The following COL23A1 variants were observed in gnomAD, a reference collection of about 807,000 sequenced individuals.
The protein encoded by COL23A1 is collagen type XXIII alpha 1 chain.
A neutral mutation model predicts 99.3 loss-of-function variants in COL23A1; 97 were observed. That is an observed-to-expected ratio of 0.98 (90% confidence interval 0.83 to 1.16). COL23A1 has a LOEUF of 1.16. Ranked by LOEUF, COL23A1 falls within the 50% of genes most tolerant of loss-of-function variation. COL23A1 has a pLI of 0.00. For missense variants in COL23A1, 762 were observed against 757.4 expected (o/e 1.01, Z -0.07); for synonymous variants, 320 against 308.2 (o/e 1.04, Z -0.40).
intron 11 of COL23A1, among the ~76,000 whole-genome samples, chr5:178,260,959 G>A (rs948307963): frequency 6.6e-6 from 1 of 152,024 alleles, no homozygotes; most frequent in Non-Finnish European, 1.5e-5. Flanking sequence ...CACAGCAAGA[G>A]TGAACCCTAA....
In COL23A1 at chr5:178,560,756, G is replaced by A. The variant is rs780371116; in HGVS notation, c.295-8C>T. 19 of 1,593,538 alleles carry A rather than the reference G, an allele frequency of 1.2e-5. No individual in the cohort carries two copies. The highest frequency in any genetic ancestry group is 2.3e-5 in the South Asian group (2 of 87,898). On this transcript the variant is annotated splice_region_variant and splice_polypyrimidine_tract_variant and intron_variant, in intron 1 of 28. Coordinates refer to ENST00000390654, the MANE Select transcript of COL23A1 (RefSeq NM_173465.4). ...CGCTAGTCCGTCCAACTTCTGAGCC[G>A]GAAAAAAAAAAAGAAAAAAAACGAG...
chr5:178,573,397 G>T (rs1005528092), intron 1 of COL23A1, among the ~76,000 whole-genome samples: 1 of 152,202 alleles, frequency 6.6e-6, no homozygotes, highest in Non-Finnish European at 1.5e-5. Flanking sequence ...GTCTGGCCCG[G>T]CCACCGCACT....
intron 26 of COL23A1, 26 bp from the exon 27 acceptor site, chr5:178,242,154 T>C (rs1764437775): frequency 2.6e-6 from 4 of 1,541,434 alleles, no homozygotes; most frequent in East Asian, 4.9e-5. Context: ...GATGGTGGTA[T>C]TGGTCATGGC....
chr5:178,425,069 A>T (rs1220474787), intron 2 of COL23A1, among the ~76,000 whole-genome samples: 1 of 152,218 alleles, frequency 6.6e-6, no homozygotes, highest in Non-Finnish European at 1.5e-5. Context: ...TAAGATGGAG[A>T]CAACGCATGC....
chr5:178,249,174 C>G lies in COL23A1; in HGVS notation c.1092G>C (p.Glu364Asp). The G allele has an allele frequency of 6.2e-7, 1 of 1,614,198 alleles. No individual in the cohort carries two copies. The highest frequency in any genetic ancestry group is 8.5e-7 in the Non-Finnish European group (1 of 1,179,980). The stretch of plus-strand genomic sequence containing the variant: ...CCCCTTTGAGTCCTGCTGGCCCAGG[C>G]TCTCCTGGGTCTCCTTTCTGTCCTT... Reference protein sequence around the residue: ...GPKGQKGDPGEPGPAGLKGEA... With the variant: ...GPKGQKGDPGDPGPAGLKGEA... Residue 364 changes from glutamate to aspartate, a missense_variant, in exon 19 of 29, where the codon GAG becomes GAC. By Grantham distance (45) the Glu-to-Asp change is conservative. Transcript: ENST00000390654.
chr5:178,384,980 C>G lies in COL23A1; in HGVS notation c.362-78061G>C, dbSNP rs1021149402. On this transcript the variant is annotated intron_variant, in intron 2 of 28. Transcript: ENST00000390654. The surrounding 1 kb of genome is among the most constrained non-coding windows in gnomAD (Gnocchi z 5.5). ...GCCCCATCCAAGCCACCACACTGGG[C>G]TGCCCAGCCCACTCCACGCCGGGGG... Among the ~76,000 whole-genome samples, 8 of 152,214 alleles carry G rather than the reference C, an allele frequency of 5.3e-5. No homozygotes were observed. Among genetic ancestry groups the G allele is most frequent in the African/African-American group, 1.9e-4 (8 of 41,450 alleles).
intron 1 of COL23A1, among the ~76,000 whole-genome samples, chr5:178,578,994 A>G (rs1456584787): frequency 1.3e-5 from 2 of 152,122 alleles, no homozygotes; most frequent in African/African-American, 2.4e-5. Context: ...CAAATGATAA[A>G]CCAAAAAATG....
chr5:178,340,192 T>C lies in COL23A1; in HGVS notation c.362-33273A>G, dbSNP rs909440830. On this transcript the variant is annotated intron_variant, in intron 2 of 28. Transcript: ENST00000390654. The surrounding 1 kb of genome is among the most constrained non-coding windows in gnomAD (Gnocchi z 4.7). Reference sequence around the variant, plus strand: ...AGCGTTCTCATGAGGAATGCACCTATGAAAGTTCCTAGGCAGGGAGCCTGC... The same window carrying C: ...AGCGTTCTCATGAGGAATGCACCTACGAAAGTTCCTAGGCAGGGAGCCTGC... Among the ~76,000 whole-genome samples, 7 of 152,146 alleles carry C rather than the reference T, an allele frequency of 4.6e-5. No individual in the cohort carries two copies. Among genetic ancestry groups the C allele is most frequent in the Admixed American group, 3.3e-4 (5 of 15,280 alleles).
intron 2 of COL23A1, among the ~76,000 whole-genome samples, chr5:178,373,665 C>T (rs889901059): frequency 6.6e-6 from 1 of 152,212 alleles, no homozygotes; most frequent in Non-Finnish European, 1.5e-5. Flanking sequence ...ATCCGCCTGC[C>T]TCAGCCTCCC....
At chr5:178,551,412 C>A (rs948402832) in intron 2 of COL23A1, among the ~76,000 whole-genome samples, 5 of 151,846 alleles carry the variant, frequency 3.3e-5, no homozygotes, top group Non-Finnish European at 7.4e-5. Flanking sequence ...TATTTTTTTC[C>A]TTTCATCAGT....
chr5:178,386,282 A>C (rs549615425), intron 2 of COL23A1, among the ~76,000 whole-genome samples: 2 of 152,124 alleles, frequency 1.3e-5, no homozygotes, highest in Non-Finnish European at 2.9e-5. Flanking sequence ...CTACTAAAAT[A>C]CAAAAAATTA....
chr5:178,378,611 C>T (rs931339385), intron 2 of COL23A1, among the ~76,000 whole-genome samples: 1 of 152,212 alleles, frequency 6.6e-6, no homozygotes, highest in Non-Finnish European at 1.5e-5. Context: ...AGTTCCCCCG[C>T]AGAGGCGACA....
intron 27 of COL23A1, among the ~76,000 whole-genome samples, chr5:178,240,678 T>C (rs971623878): frequency 2.0e-5 from 3 of 152,202 alleles, no homozygotes; most frequent in Non-Finnish European, 4.4e-5. Flanking sequence ...AGTCCTTTTC[T>C]CATTGACTTC....
Position 178,355,733 on chromosome 5 carries a change from G to A in COL23A1, c.362-48814C>T, listed in dbSNP as rs1036487896. The stretch of plus-strand genomic sequence containing the variant: ...TCTCCATCTCCTGACCTCATGATCC[G>A]CCCGCCTCGGCCTCCCAAAGTGCTG... On this transcript the variant is annotated intron_variant, in intron 2 of 28. Transcript: ENST00000390654. 7.9e-5 allele frequency among the ~76,000 whole-genome samples: 12 copies of A among 152,184 alleles called. No homozygotes were observed. In the East Asian group the frequency reaches 9.7e-4, roughly 12 times the overall value.
At chr5:178,583,205 A>C (rs766459175) in intron 1 of COL23A1, among the ~76,000 whole-genome samples, 7 of 152,246 alleles carry the variant, frequency 4.6e-5, no homozygotes, top group Non-Finnish European at 8.8e-5. Context: ...ACCCAAATTT[A>C]TCAATGTACA....
At chr5:178,294,019 G>A (rs1008489064) in intron 3 of COL23A1, among the ~76,000 whole-genome samples, 15 of 152,086 alleles carry the variant, frequency 9.9e-5, no homozygotes, top group African/African-American at 2.2e-4. Flanking sequence ...CCCAGGGGCT[G>A]GAACCGACTA....
At chr5:178,505,117 G>A (rs958720169) in intron 2 of COL23A1, among the ~76,000 whole-genome samples, 7 of 152,166 alleles carry the variant, frequency 4.6e-5, no homozygotes, top group Non-Finnish European at 8.8e-5. Flanking sequence ...GCTGAGGGAG[G>A]GGTCTGGTCC....
intron 2 of COL23A1, among the ~76,000 whole-genome samples, chr5:178,454,326 C>A (rs1767651579): frequency 6.6e-6 from 1 of 152,178 alleles, no homozygotes; most frequent in Non-Finnish European, 1.5e-5. Flanking sequence ...CAACTCAGAT[C>A]AAAAAGTGAA....
intron 1 of COL23A1, among the ~76,000 whole-genome samples, chr5:178,570,261 G>T (rs760466857): frequency 3.3e-5 from 5 of 151,686 alleles, no homozygotes; most frequent in Non-Finnish European, 7.4e-5. Flanking sequence ...TACAGGTGCC[G>T]CCAAGTCAGG....
Sources: gnomAD v4.1 joint callset for allele counts (sites outside exome capture counted in the v4.1 genomes callset) on GRCh38, gnomAD v4.1.1 for gene constraint, Gnocchi (gnomAD v3.1) non-coding constraint, MANE v1.5 for transcripts, NCBI Gene and HGNC (gene_info 2026-07-23, HGNC 2026-07-21) for gene names.